Variants in MLST8 observed in about 807,000 individuals in gnomAD.
MLST8 encodes target of rapamycin complex subunit LST8.
Under a neutral mutation model 41.3 loss-of-function variants are expected in MLST8, and 20 were observed. The ratio of observed to expected loss-of-function variants is 0.48; its 90% CI spans 0.34 to 0.70. MLST8 has a LOEUF of 0.70. MLST8 is among the 30% of genes least tolerant of loss of function. The pLI is 0.01. For missense variants in MLST8, 422 were observed against 454.3 expected, an observed-to-expected ratio of 0.93 and a Z score of 0.65; for synonymous variants, 243 against 183.0, an observed-to-expected ratio of 1.33 and a Z score of -2.65.
chr16:2,205,660 A>G (rs1424715568), intron 1 of MLST8, 148 bp downstream of exon 1: 2 of 987,426 alleles, frequency 2.0e-6, no homozygotes, highest in Non-Finnish European at 2.4e-6. Context: ...GCCCTTTCCC[A>G]TCAGGGCCTG....
At chr16:2,206,836 G>C in intron 4 of MLST8, 177 bp downstream of exon 4, 1 of 1,021,456 alleles carries the variant, frequency 9.8e-7, no homozygotes, top group South Asian at 1.3e-5. Flanking sequence ...CCTGCCTTGA[G>C]CCCGGAGCCA....
Position 2,208,806 on chromosome 16 carries a change from A to G in MLST8, c.910A>G (p.Ile304Val). Residue 304 changes from isoleucine to valine, a missense_variant, in exon 9 of 9, where the codon ATC (isoleucine) becomes GTC (valine). Ile to Val is a conservative substitution (Grantham distance 29). Coordinates refer to ENST00000569417, the MANE Select transcript of MLST8 (RefSeq NM_022372.6). ...GCTCTGGTGTGTGGAGACTGGAGAGATCAAGAGAGAGTATGGCGGCCACCA... is the reference window on the plus strand; with the variant it reads ...GCTCTGGTGTGTGGAGACTGGAGAGGTCAAGAGAGAGTATGGCGGCCACCA... The part of the protein sequence containing the change: ...ARLWCVETGE[I>V]KREYGGHQKA... The G allele has an allele frequency of 6.2e-7, 1 of 1,613,928 alleles. No homozygotes were observed. The highest frequency in any genetic ancestry group is 8.5e-7 in the Non-Finnish European group (1 of 1,179,908).
chr16:2,208,935 G>A lies in MLST8; in HGVS notation c.*58G>A, dbSNP rs1210223338. On this transcript the variant is annotated 3_prime_UTR_variant, in exon 9 of 9. Coordinates refer to ENST00000569417, the MANE Select transcript of MLST8 (RefSeq NM_022372.6). ...GGTGGCAGCTGGAGGGACCCATGCAGCACCCAGGTCAGAGCAGACCCTCCC... is the reference window on the plus strand; with the variant it reads ...GGTGGCAGCTGGAGGGACCCATGCAACACCCAGGTCAGAGCAGACCCTCCC... The A allele has an allele frequency of 3.2e-6, 5 of 1,580,054 alleles. No homozygotes were observed. The highest frequency in any genetic ancestry group is 1.1e-5 in the South Asian group (1 of 90,182).
chr16:2,206,041 C>A lies in MLST8; in HGVS notation c.-45C>A, dbSNP rs754826479. 6.6e-7 allele frequency: 1 copy of A among 1,512,146 alleles called. No individual in the cohort carries two copies. Among genetic ancestry groups the A allele is most frequent in the South Asian group, 1.2e-5 (1 of 81,354 alleles). 93.7% of individuals were successfully genotyped at this position (1,512,146 alleles called of 1,614,324 possible). A position where few individuals can be genotyped will look rare whatever the true frequency, so the allele number is the denominator to read the frequency against. On this transcript the variant is annotated 5_prime_UTR_variant, in exon 2 of 9. Transcript: ENST00000569417. The stretch of plus-strand genomic sequence containing the variant: ...CATCCTTCTCTGCAGATGCTCTGAC[C>A]TTTGACCCCTGCCGTTCAGCTCTAG...
In MLST8 at chr16:2,206,552, C is replaced by A. The variant is rs777813309; in HGVS notation, c.237C>A (p.Ile79=). The A allele has an allele frequency of 6.2e-7, 1 of 1,614,050 alleles. No homozygotes were observed. Among genetic ancestry groups the A allele is most frequent in the East Asian group, 2.2e-5 (1 of 44,882 alleles). ...DLNSNNPNPI[I]SYDGVNKNIA... ...ACTCCAATAACCCTAACCCCATCAT[C>A]AGCTACGACGGCGTCAACAAGAACA... The change falls in exon 4 of 9, where the codon ATC becomes ATA. Residue 79 remains isoleucine (I), a synonymous_variant. Coordinates refer to ENST00000569417, the MANE Select transcript of MLST8 (RefSeq NM_022372.6).
At chr16:2,205,776 G>T in intron 1 of MLST8, 1 of 1,051,582 alleles carries the variant, frequency 9.5e-7, no homozygotes, top group Non-Finnish European at 1.1e-6. Flanking sequence ...GCGCCCGCGC[G>T]TGACTCCCCC....
chr16:2,205,956 C>A (rs1203015305), intron 1 of MLST8, 75 bp from the exon 2 acceptor site: 3 of 1,459,164 alleles, frequency 2.1e-6, no homozygotes, highest in African/African-American at 2.8e-5. Flanking sequence ...AAGCGCCATT[C>A]GGCAGCGCCT....
At position 2,208,832 on chromosome 16, in the gene MLST8, G is replaced by T; in HGVS notation, c.936G>T (p.Gln312His). 1 of 1,613,798 alleles carries T rather than the reference G, an allele frequency of 6.2e-7. No homozygotes were observed. The highest frequency in any genetic ancestry group is 8.5e-7 in the Non-Finnish European group (1 of 1,179,932). Residue 312 changes from glutamine to histidine, a missense_variant, in exon 9 of 9, where the codon CAG becomes CAT. Coordinates refer to ENST00000569417, the MANE Select transcript of MLST8 (RefSeq NM_022372.6). ...GEIKREYGGHQKAVVCLAFND... is the reference protein window; with the variant it reads ...GEIKREYGGHHKAVVCLAFND... The stretch of plus-strand genomic sequence containing the variant: ...TCAAGAGAGAGTATGGCGGCCACCA[G>T]AAGGCTGTTGTCTGCCTGGCCTTCA...
At position 2,205,909 on chromosome 16, in the gene MLST8, C is replaced by T. The variant is rs2093276147; in HGVS notation, c.-55-122C>T. On this transcript the variant is annotated intron_variant, in intron 1 of 8. Coordinates refer to ENST00000569417, the MANE Select transcript of MLST8 (RefSeq NM_022372.6). ...CGTGTGACGCGTGTCCCTGAACCTACCTGCGCTTCTTGTCCCAACTCTAAA... is the reference window on the plus strand; with the variant it reads ...CGTGTGACGCGTGTCCCTGAACCTATCTGCGCTTCTTGTCCCAACTCTAAA... 3.5e-6 allele frequency: 5 copies of T among 1,439,760 alleles called. No homozygotes were observed. The South Asian group carries it at 5.9e-5, about 17-fold the overall frequency. 89.2% of individuals were successfully genotyped at this position (1,439,760 alleles called of 1,614,324 possible).
Position 2,208,322 on chromosome 16 carries a change from G to T in MLST8, c.686G>T (p.Ser229Ile). Reference protein sequence around the residue: ...HTRYALQCRFSPDSTLLATCS... With the variant: ...HTRYALQCRFIPDSTLLATCS... ...CGCTACGCCCTGCAGTGTCGCTTCA[G>T]CCCCGACTCCACGTGCGTGCAGGGC... The change falls in exon 7 of 9, where the codon AGC becomes ATC. Residue 229 changes from serine (S) to isoleucine (I), a missense_variant. Physicochemically the swap from Ser to Ile is moderately radical, Grantham distance 142. Coordinates refer to ENST00000569417, the MANE Select transcript of MLST8 (RefSeq NM_022372.6). The T allele has an allele frequency of 6.2e-7, 1 of 1,607,424 alleles. No individual in the cohort carries two copies. The highest frequency in any genetic ancestry group is 8.5e-7 in the Non-Finnish European group (1 of 1,175,204).
Position 2,208,891 on chromosome 16 carries a change from G to C in MLST8, c.*14G>C. 1 of 1,612,000 alleles carries C rather than the reference G, an allele frequency of 6.2e-7. No homozygotes were observed. The highest frequency in any genetic ancestry group is 2.2e-5 in the East Asian group (1 of 44,872). On this transcript the variant is annotated 3_prime_UTR_variant, in exon 9 of 9. Transcript: ENST00000569417. ...GTGCTGGGCTAGCCTGTGACCCCTC[G>C]GGACTGCCTGGTGCAGGTGGTGGCA...
rs565741280 is a variant in MLST8 at position 2,207,529 on chromosome 16, C to T, written c.573+184C>T. The stretch of plus-strand genomic sequence containing the variant: ...GTCGCTCCCGATGGCTTAGTCCTGT[C>T]TGCAGGTCGGTCACTCCGCTTTCTG... On this transcript the variant is annotated intron_variant, in intron 6 of 8. Transcript: ENST00000569417. 5 of 688,158 alleles carry T rather than the reference C, an allele frequency of 7.3e-6. No individual in the cohort carries two copies. The South Asian group carries it at 9.7e-5, about 13-fold the overall frequency. The allele number at this position is 688,158 out of a possible 1,614,324, so 42.6% of individuals were successfully genotyped here.
rs756720316 is a variant in MLST8 at position 2,207,094 on chromosome 16, G to A, written c.404G>A (p.Cys135Tyr). The stretch of plus-strand genomic sequence containing the variant: ...GTGAACGCACCCATTAACTGCGTGT[G>A]CCTGCACCCCAACCAGGTGAGGGGT... ...FQVNAPINCV[C>Y]LHPNQAELIV... Residue 135 changes from cysteine (C) to tyrosine (Y), a missense_variant, in exon 5 of 9, where the codon TGC becomes TAC. By Grantham distance (194) the Cys-to-Tyr change is radical (BLOSUM62 -2). Coordinates refer to ENST00000569417, the MANE Select transcript of MLST8 (RefSeq NM_022372.6). 6.2e-7 allele frequency: 1 copy of A among 1,613,882 alleles called. No individual in the cohort carries two copies. Among genetic ancestry groups the A allele is most frequent in the South Asian group, 1.1e-5 (1 of 91,086 alleles).
Position 2,206,344 on chromosome 16 carries a change from C to G in MLST8, c.130-14C>G. 2 of 1,613,876 alleles carry G rather than the reference C, an allele frequency of 1.2e-6. No individual in the cohort carries two copies. The highest frequency in any genetic ancestry group is 1.7e-6 in the Non-Finnish European group (2 of 1,179,974). ...TCAGGGCTACCTTCCCGTCATCCTC[C>G]TTAACAGTCCCAGCAGGTGAATGCC... On this transcript the variant is annotated splice_polypyrimidine_tract_variant and intron_variant, in intron 2 of 8. Transcript: ENST00000569417.
chr16:2,208,480 G>T lies in MLST8; in HGVS notation c.729G>T (p.Thr243=), dbSNP rs746198787. 3.7e-6 allele frequency: 6 copies of T among 1,613,242 alleles called. No individual in the cohort carries two copies. The highest frequency in any genetic ancestry group is 2.7e-5 in the African/African-American group (2 of 75,030). The stretch of plus-strand genomic sequence containing the variant: ...TCGCCACCTGCTCGGCTGATCAGAC[G>T]TGCAAGATCTGGAGGACGTCCAACT... The part of the protein sequence containing the change: ...TLLATCSADQ[T]CKIWRTSNFS... Residue 243 remains threonine, a synonymous_variant, in exon 8 of 9, where the codon ACG becomes ACT. Transcript: ENST00000569417.
Position 2,208,192 on chromosome 16 carries a change from G to A in MLST8, c.574-18G>A, listed in dbSNP as rs749280943. On this transcript the variant is annotated intron_variant, in intron 6 of 8. Coordinates refer to ENST00000569417, the MANE Select transcript of MLST8 (RefSeq NM_022372.6). Reference sequence around the variant, plus strand: ...CCTGAGGCCTTGGGCCCTCCGTGACGGTCCTCCTGACCTCTAGGGAAACTG... The same window carrying A: ...CCTGAGGCCTTGGGCCCTCCGTGACAGTCCTCCTGACCTCTAGGGAAACTG... 28 of 1,592,612 alleles carry A rather than the reference G, an allele frequency of 1.8e-5. No homozygotes were observed. The highest frequency in any genetic ancestry group is 3.4e-5 in the South Asian group (3 of 89,190).
rs200906793 is a variant in MLST8, at chr16:2,209,453, G to A, written c.*576G>A. ...GAGATAAATCAGCCGCTGTCTCCGG[G>A]GCCCTGTGGCGAGGGTGCCGTGAAT... On this transcript the variant is annotated 3_prime_UTR_variant, in exon 9 of 9. Coordinates refer to ENST00000569417, the MANE Select transcript of MLST8 (RefSeq NM_022372.6). 1.9e-6 allele frequency: 3 copies of A among 1,613,608 alleles called. No individual in the cohort carries two copies. The highest frequency in any genetic ancestry group is 1.7e-5 in the Admixed American group (1 of 60,028).
In MLST8 at chr16:2,208,980, G is replaced by A. The variant is rs1392605202; in HGVS notation, c.*103G>A. 2.3e-6 allele frequency: 3 copies of A among 1,286,932 alleles called. No individual in the cohort carries two copies. Among genetic ancestry groups the A allele is most frequent in the African/African-American group, 1.5e-5 (1 of 68,864 alleles). 79.7% of individuals were successfully genotyped at this position (1,286,932 alleles called of 1,614,324 possible). On this transcript the variant is annotated 3_prime_UTR_variant, in exon 9 of 9. Transcript: ENST00000569417. Reference sequence around the variant, plus strand: ...CCTCCCCTGCCGGCCTGCGCCAGCTGGACCTGATGGCCCCCTGTGGCGCCT... The same window carrying A: ...CCTCCCCTGCCGGCCTGCGCCAGCTAGACCTGATGGCCCCCTGTGGCGCCT...
Position 2,208,282 on chromosome 16 carries a change from A to G in MLST8, c.646A>G (p.Ile216Val), listed in dbSNP as rs1310844225. ...GACCCAGCTCATCCCCAAGACTAAG[A>G]TCCCTGCCCACACGCGCTACGCCCT... ...EVTQLIPKTK[I>V]PAHTRYALQC... The change falls in exon 7 of 9, where the codon ATC becomes GTC. Residue 216 changes from isoleucine to valine, a missense_variant. By Grantham distance (29) the Ile-to-Val change is conservative. Transcript: ENST00000569417. The G allele has an allele frequency of 1.2e-6, 2 of 1,613,426 alleles. No homozygotes were observed. The highest frequency in any genetic ancestry group is 1.7e-4 in the Middle Eastern group (1 of 6,058).
Sources: allele counts gnomAD v4.1 joint callset, GRCh38; gene constraint gnomAD v4.1.1; transcripts MANE v1.5; gene names NCBI Gene and HGNC (gene_info 2026-07-23, HGNC 2026-07-21).